PHF21B: variants seen among roughly 807,000 people sequenced by gnomAD.
PHF21B encodes PHD finger protein 21B.
Under a neutral mutation model 62.2 loss-of-function variants are expected in PHF21B, and 22 were observed. The ratio of observed to expected loss-of-function variants is 0.35; its 90% CI spans 0.25 to 0.51. PHF21B has a LOEUF of 0.51. Among genes scored for constraint, PHF21B ranks in the 20% least tolerant of loss-of-function variants. The probability of loss-of-function intolerance (pLI) is 0.97; values close to 1 mark genes in which losing one functional copy is unlikely to be tolerated. For synonymous variants in PHF21B, 341 were observed against 314.7 expected, an observed-to-expected ratio of 1.08 and a Z score of -0.88; for missense variants, 701 against 707.9, an observed-to-expected ratio of 0.99 and a Z score of 0.11.
chr22:44,948,732 A>T (rs1178227744), intron 2 of PHF21B, among the ~76,000 whole-genome samples: 1 of 151,728 alleles, frequency 6.6e-6, no homozygotes, highest in African/African-American at 2.4e-5. Context: ...ACCCGGCTTC[A>T]CAAAGACAGG....
intron 4 of PHF21B, among the ~76,000 whole-genome samples, chr22:44,915,589 G>T (rs756943816): frequency 1.3e-5 from 2 of 152,232 alleles, no homozygotes; most frequent in Non-Finnish European, 2.9e-5. Context: ...AATGCACTGG[G>T]TGCAACAGCA....
At position 44,916,269 on chromosome 22, in the gene PHF21B, T is replaced by TG; in HGVS notation, c.564+10dup. The TG allele has an allele frequency of 6.2e-7, 1 of 1,606,690 alleles. No homozygotes were observed. The highest frequency in any genetic ancestry group is 8.5e-7 in the Non-Finnish European group (1 of 1,178,218). ...GCACACCCTTTCCGGAGCCTGCTGG[T>TG]GGGCACTCACCTTGTTGTCAGCACT... On this transcript the variant is annotated intron_variant, in intron 4 of 12. Coordinates refer to ENST00000313237, the MANE Select transcript of PHF21B (RefSeq NM_138415.5).
chr22:44,916,574 C>T lies in PHF21B; in HGVS notation c.270G>A (p.Arg90=). ...DSLPVAPGRD[R]PPKQPPTFQK... is the part of the protein sequence containing the mutation. ...GGAATGTTGGGGGCTGCTTGGGTGG[C>T]CGGTCCCGGCCCGGGGCAACGGGGA... Residue 90 remains arginine (R), a synonymous_variant, in exon 4 of 13, where the codon CGG becomes CGA. Transcript: ENST00000313237. 6.2e-7 allele frequency: 1 copy of T among 1,606,642 alleles called. No homozygotes were observed.
At chr22:44,920,544 C>A in intron 2 of PHF21B, 54 bp from the exon 3 acceptor site, 1 of 1,422,576 alleles carries the variant, frequency 7.0e-7, no homozygotes, top group South Asian at 1.3e-5. Context: ...GAGACCGAAT[C>A]CGTTGCCCCC....
chr22:44,893,364 A>C, intron 7 of PHF21B, 93 bp downstream of exon 7: 1 of 1,258,414 alleles, frequency 7.9e-7, no homozygotes, highest in African/African-American at 1.5e-5. Context: ...GGTGCTTAGG[A>C]AAGCGAATGA....
chr22:44,907,450 C>G (rs576278339), intron 5 of PHF21B, among the ~76,000 whole-genome samples: 2 of 152,198 alleles, frequency 1.3e-5, no homozygotes, highest in African/African-American at 4.8e-5. Context: ...CCGTGTTCAG[C>G]GTCCCGCACG....
intron 5 of PHF21B, among the ~76,000 whole-genome samples, chr22:44,907,190 G>A (rs904736526): frequency 9.8e-5 from 15 of 152,320 alleles, no homozygotes; most frequent in African/African-American, 2.2e-4. Flanking sequence ...CCCAGCCTCC[G>A]CCTCTGCTCC....
At chr22:44,956,660 C>A (rs2072304218) in intron 2 of PHF21B, among the ~76,000 whole-genome samples, 1 of 152,128 alleles carries the variant, frequency 6.6e-6, no homozygotes. Context: ...ACAAGCGACC[C>A]CAGGAGGTCT....
At chr22:44,894,181 T>C in intron 6 of PHF21B, among the ~76,000 whole-genome samples, 1 of 152,218 alleles carries the variant, frequency 6.6e-6, no homozygotes, top group East Asian at 1.9e-4. Context: ...GCCTGTTTTC[T>C]GTAAGGCACT....
At chr22:44,987,802 C>G (rs574368963) in intron 2 of PHF21B, among the ~76,000 whole-genome samples, 1 of 151,722 alleles carries the variant, frequency 6.6e-6, no homozygotes, top group Admixed American at 6.6e-5. Flanking sequence ...TCCCCCTCCC[C>G]CTTCCTTCTC....
intron 2 of PHF21B, among the ~76,000 whole-genome samples, chr22:44,967,802 C>T (rs2072558190): frequency 6.6e-6 from 1 of 152,180 alleles, no homozygotes; most frequent in South Asian, 2.1e-4. Context: ...TTCATCATCG[C>T]TCTCCCCAGG....
chr22:44,932,513 T>A (rs2071762003), intron 2 of PHF21B, among the ~76,000 whole-genome samples: 1 of 152,162 alleles, frequency 6.6e-6, no homozygotes, highest in Non-Finnish European at 1.5e-5. Flanking sequence ...TAGCTGCCTG[T>A]CCCCACTGAC....
At chr22:44,943,321 G>C (rs1015761248) in intron 2 of PHF21B, among the ~76,000 whole-genome samples, 20 of 152,276 alleles carry the variant, frequency 1.3e-4, no homozygotes, top group East Asian at 9.7e-4. Flanking sequence ...GATTACACCC[G>C]AAGGGCCGTA....
chr22:44,893,980 C>T (rs1569211157), intron 6 of PHF21B, among the ~76,000 whole-genome samples: 1 of 152,240 alleles, frequency 6.6e-6, no homozygotes, highest in Non-Finnish European at 1.5e-5. Context: ...AGTGCAGCCC[C>T]CAGCAGGAAT....
At chr22:45,003,230 C>T (rs747125409) in intron 2 of PHF21B, 1 of 152,290 alleles carries the variant, frequency 6.6e-6, no homozygotes, top group Non-Finnish European at 1.5e-5. Context: ...AAATCATTGC[C>T]AATCTTCACA....
In PHF21B at chr22:44,897,801, G is replaced by A. The variant is rs182504106; in HGVS notation, c.832-1718C>T. 7.2e-5 allele frequency among the ~76,000 whole-genome samples: 11 copies of A among 152,062 alleles called. No homozygotes were observed. The East Asian group carries it at 2.1e-3, about 29-fold the overall frequency. On this transcript the variant is annotated intron_variant, in intron 5 of 12. Coordinates refer to ENST00000313237, the MANE Select transcript of PHF21B (RefSeq NM_138415.5). ...TCAGCTAAAACCCATACTTTATTTGGATTTCTTTAGTCTTTTTGTTTTTTA... is the reference window on the plus strand; with the variant it reads ...TCAGCTAAAACCCATACTTTATTTGAATTTCTTTAGTCTTTTTGTTTTTTA...
At chr22:44,883,358 C>G (rs2070772411) in intron 12 of PHF21B, 54 bp from the exon 13 acceptor site, 1 of 1,545,410 alleles carries the variant, frequency 6.5e-7, no homozygotes, top group South Asian at 1.2e-5. Context: ...CTACAGCCAT[C>G]CTGGGGCAGC....
At chr22:44,886,204 C>G (rs897519361) in intron 10 of PHF21B, among the ~76,000 whole-genome samples, 5 of 152,010 alleles carry the variant, frequency 3.3e-5, no homozygotes, top group African/African-American at 4.8e-5. Flanking sequence ...CTCGAACGAA[C>G]GAATGATCAC....
At chr22:44,905,311 G>A (rs565236473) in intron 5 of PHF21B, among the ~76,000 whole-genome samples, 7 of 152,256 alleles carry the variant, frequency 4.6e-5, no homozygotes, top group South Asian at 2.1e-4. Context: ...TGTTCCTGCC[G>A]TCTAGTAAGC....
Sources: gnomAD v4.1 joint callset for allele counts (sites outside exome capture counted in the v4.1 genomes callset) on GRCh38, gnomAD v4.1.1 for gene constraint, MANE v1.5 for transcripts, NCBI Gene and HGNC (gene_info 2026-07-23, HGNC 2026-07-21) for gene names.